Variants in KIAA0825 observed in about 807,000 individuals in gnomAD.
The protein encoded by KIAA0825 is KIAA0825.
In KIAA0825, 119 loss-of-function variants were observed where a neutral mutation model predicts 147.6. That is an observed-to-expected ratio of 0.81 (90% CI 0.69 to 0.94). The LOEUF (loss-of-function observed/expected upper bound fraction) is 0.94. KIAA0825 is among the 40% of genes least tolerant of loss of function. The pLI is 0.00. For missense variants in KIAA0825, 1,381 were observed against 1,472.7 expected, an observed-to-expected ratio of 0.94 and a Z score of 1.02; for synonymous variants, 470 against 518.1, an observed-to-expected ratio of 0.91 and a Z score of 1.26.
intron 20 of KIAA0825, among the ~76,000 whole-genome samples, chr5:94,205,299 A>ATATT (rs1254935243): frequency 4.4e-5 from 6 of 137,902 alleles, no homozygotes; most frequent in South Asian, 2.3e-4. Flanking sequence ...ATATATATAT[A>ATATT]TTTTGTTTTG....
intron 20 of KIAA0825, among the ~76,000 whole-genome samples, chr5:94,185,364 A>G (rs923374431): frequency 1.3e-5 from 2 of 152,220 alleles, no homozygotes; most frequent in African/African-American, 4.8e-5. Context: ...ATTGATGCCT[A>G]CTTATCAAAA....
intron 20 of KIAA0825, among the ~76,000 whole-genome samples, chr5:94,195,133 T>C (rs1771016587): frequency 6.6e-6 from 1 of 152,236 alleles, no homozygotes; most frequent in South Asian, 2.1e-4. Context: ...GTACTCCCCG[T>C]GGTGACTGAC....
chr5:94,450,484 A>T (rs1204991857), intron 13 of KIAA0825, among the ~76,000 whole-genome samples: 1 of 151,488 alleles, frequency 6.6e-6, no homozygotes, highest in Admixed American at 6.6e-5. Flanking sequence ...TATTTCTCAC[A>T]GTCTGGAGGC....
chr5:94,180,640 T>C (rs1769528135), intron 20 of KIAA0825, among the ~76,000 whole-genome samples: 1 of 152,134 alleles, frequency 6.6e-6, no homozygotes, highest in East Asian at 1.9e-4. Context: ...CATCATCCTA[T>C]GGCATTTCAT....
intron 1 of KIAA0825, among the ~76,000 whole-genome samples, chr5:94,598,979 A>G (rs753018447): frequency 7.9e-5 from 12 of 152,184 alleles, no homozygotes; most frequent in Non-Finnish European, 1.5e-4. Flanking sequence ...TTTCCTTTAG[A>G]TGAATACTCA....
rs1767657505 is a variant in KIAA0825 at position 94,518,820 on chromosome 5, C to T, written c.970+1428G>A. Among the ~76,000 whole-genome samples, 4 of 152,090 alleles carry T rather than the reference C, an allele frequency of 2.6e-5. No individual in the cohort carries two copies. The South Asian group carries it at 8.3e-4, about 32-fold the overall frequency. Reference sequence around the variant, plus strand: ...CTTTTCTCTCATGAATGAGAAAACACTTCAATATCAACCCTAAAGACTCCA... The same window carrying T: ...CTTTTCTCTCATGAATGAGAAAACATTTCAATATCAACCCTAAAGACTCCA... On this transcript the variant is annotated intron_variant, in intron 5 of 20. Coordinates refer to ENST00000682413, the MANE Select transcript of KIAA0825 (RefSeq NM_001145678.3).
intron 20 of KIAA0825, among the ~76,000 whole-genome samples, chr5:94,369,798 G>A (rs1746403700): frequency 6.6e-6 from 1 of 152,160 alleles, no homozygotes; most frequent in Non-Finnish European, 1.5e-5. Context: ...GTCACTAAGA[G>A]CATCCAGGGA....
At chr5:94,586,038 C>G (rs934420200) in intron 1 of KIAA0825, among the ~76,000 whole-genome samples, 1 of 152,144 alleles carries the variant, frequency 6.6e-6, no homozygotes, top group Non-Finnish European at 1.5e-5. Context: ...ACATTTAAAA[C>G]AGTGTGTAGT....
rs562994396 is a variant in KIAA0825, at chr5:94,367,111, G to A, written c.3710+17257C>T. Reference sequence around the variant, plus strand: ...AACATGCCAGGGCAAATATTTAGAAGCACAGGTCTTTGAATACATTTTGCT... The same window carrying A: ...AACATGCCAGGGCAAATATTTAGAAACACAGGTCTTTGAATACATTTTGCT... On this transcript the variant is annotated intron_variant, in intron 20 of 20. Coordinates refer to ENST00000682413, the MANE Select transcript of KIAA0825 (RefSeq NM_001145678.3). Among the ~76,000 whole-genome samples, 11 of 152,334 alleles carry A rather than the reference G, an allele frequency of 7.2e-5. No homozygotes were observed. In the South Asian group the frequency reaches 2.3e-3, roughly 32 times the overall value.
At chr5:94,232,117 G>T (rs559688114) in intron 20 of KIAA0825, among the ~76,000 whole-genome samples, 1 of 152,156 alleles carries the variant, frequency 6.6e-6, no homozygotes, top group African/African-American at 2.4e-5. Context: ...GCCAACTCAT[G>T]GCAGCTACAC....
At chr5:94,500,474 G>A (rs1461506617) in intron 5 of KIAA0825, among the ~76,000 whole-genome samples, 1 of 152,102 alleles carries the variant, frequency 6.6e-6, no homozygotes, top group Non-Finnish European at 1.5e-5. Context: ...GGGCAGAAGG[G>A]GAGAATGAAT....
At chr5:94,161,261 C>T (rs1336841199) in intron 20 of KIAA0825, among the ~76,000 whole-genome samples, 2 of 152,324 alleles carry the variant, frequency 1.3e-5, no homozygotes, top group Admixed American at 1.3e-4. Flanking sequence ...ATTGTTCTAG[C>T]TTGGTAGCAG....
At chr5:94,611,090 GCAAA>G (rs1788681989) in intron 1 of KIAA0825, among the ~76,000 whole-genome samples, 1 of 151,876 alleles carries the variant, frequency 6.6e-6, no homozygotes, top group Non-Finnish European at 1.5e-5. Context: ...GTAAATCTTA[GCAAA>G]CAAATAACAA....
chr5:94,418,480 GC>G (rs1222644052), intron 14 of KIAA0825, among the ~76,000 whole-genome samples: 1 of 55,308 alleles, frequency 1.8e-5, no homozygotes, highest in African/African-American at 7.2e-5. Context: ...CCCCACCCCT[GC>G]CCCCACACTT....
At position 94,571,610 on chromosome 5, in the gene KIAA0825, T is replaced by C. The variant is rs139415066; in HGVS notation, c.-2+10823A>G. Among the ~76,000 whole-genome samples the C allele has an allele frequency of 2.9e-3, 435 of 152,344 alleles. 2 individuals are homozygous for C. The highest frequency in any genetic ancestry group is 0.01 in the African/African-American group (420 of 41,592). On this transcript the variant is annotated intron_variant, in intron 2 of 20. Coordinates refer to ENST00000682413, the MANE Select transcript of KIAA0825 (RefSeq NM_001145678.3). ...GCTAAGTATTAAAAGGTAATATTTTTAGATGTGGTCTTAAAATAAAACTGT... is the reference window on the plus strand; with the variant it reads ...GCTAAGTATTAAAAGGTAATATTTTCAGATGTGGTCTTAAAATAAAACTGT...
chr5:94,209,893 C>T (rs1471846602), intron 20 of KIAA0825, among the ~76,000 whole-genome samples: 1 of 152,154 alleles, frequency 6.6e-6, no homozygotes. Flanking sequence ...ACCGATTCAC[C>T]ACCCAGGTGG....
chr5:94,519,731 G>T (rs1767805419), intron 5 of KIAA0825: 5 of 802,400 alleles, frequency 6.2e-6, no homozygotes, highest in Non-Finnish European at 7.5e-6. Context: ...CAATTTTACT[G>T]CAAATTTCAA....
At chr5:94,570,512 T>C (rs1188729772) in intron 2 of KIAA0825, 5 of 152,434 alleles carry the variant, frequency 3.3e-5, no homozygotes, top group Admixed American at 2.6e-4. Context: ...CCAATTCCTA[T>C]ATTGATTCCT....
intron 20 of KIAA0825, among the ~76,000 whole-genome samples, chr5:94,228,245 A>G (rs1455028801): frequency 1.3e-5 from 2 of 152,194 alleles, no homozygotes; most frequent in African/African-American, 2.4e-5. Context: ...TTAAAAGCCT[A>G]AATAATACAT....
Sources: allele counts gnomAD v4.1 joint callset (sites outside exome capture counted in the v4.1 genomes callset), GRCh38; gene constraint gnomAD v4.1.1; transcripts MANE v1.5; gene names NCBI Gene and HGNC (gene_info 2026-07-23, HGNC 2026-07-21).